Variants in GALNTL6 observed in about 807,000 individuals in gnomAD.
GALNTL6 encodes the protein polypeptide N-acetylgalactosaminyltransferase-like 6.
Under a neutral mutation model 73.7 loss-of-function variants are expected in GALNTL6, and 46 were observed. The observed-to-expected ratio is 0.62, with a 90% CI of 0.49 to 0.80. The LOEUF is 0.80. Among genes scored for constraint, GALNTL6 ranks in the 30% least tolerant of loss-of-function variants. GALNTL6 has a pLI of 0.00. For missense variants in GALNTL6, 604 were observed against 755.0 expected, an observed-to-expected ratio of 0.80 and a Z score of 2.34; for synonymous variants, 259 against 263.7, an observed-to-expected ratio of 0.98 and a Z score of 0.17.
intron 5 of GALNTL6, among the ~76,000 whole-genome samples, chr4:172,575,448 A>G (rs1343027811): frequency 6.6e-6 from 1 of 152,186 alleles, no homozygotes; most frequent in African/African-American, 2.4e-5. Flanking sequence ...ATACAGCCCT[A>G]TTTATATAGA....
At position 172,389,812 on chromosome 4, in the gene GALNTL6, G is replaced by T. The variant is rs76147213; in HGVS notation, c.553+41123G>T. 3.1e-3 allele frequency among the ~76,000 whole-genome samples: 469 copies of T among 152,088 alleles called. 5 individuals are homozygous for T. Among genetic ancestry groups the T allele is most frequent in the African/African-American group, 0.01 (430 of 41,524 alleles). ...TAATATTTTCTTACTGTAATATATC[G>T]AATTAGTTGAGTAAAGGGCTGCTGG... On this transcript the variant is annotated intron_variant, in intron 5 of 12. Transcript: ENST00000506823.
intron 2 of GALNTL6, among the ~76,000 whole-genome samples, chr4:171,970,988 T>C (rs1579018611): frequency 6.6e-6 from 1 of 152,196 alleles, no homozygotes; most frequent in East Asian, 1.9e-4. Flanking sequence ...CACAATTATC[T>C]GAGAAATTAG....
chr4:172,597,579 T>G (rs772122071), intron 5 of GALNTL6, among the ~76,000 whole-genome samples: 3 of 152,138 alleles, frequency 2.0e-5, no homozygotes, highest in African/African-American at 4.8e-5. Context: ...GAGTTTGAGT[T>G]TTCTAAGAAG....
intron 5 of GALNTL6, among the ~76,000 whole-genome samples, chr4:172,540,566 G>A (rs970012334): frequency 6.6e-6 from 1 of 152,138 alleles, no homozygotes; most frequent in Non-Finnish European, 1.5e-5. Flanking sequence ...AAGTGGCCCC[G>A]AGGTGGTTGG....
intron 5 of GALNTL6, among the ~76,000 whole-genome samples, chr4:172,398,892 A>C (rs192196462): frequency 6.1e-4 from 93 of 152,190 alleles, no homozygotes; most frequent in African/African-American, 2.1e-3. Context: ...AGCCGACTGA[A>C]AACATAGACT....
intron 5 of GALNTL6, among the ~76,000 whole-genome samples, chr4:172,589,232 A>T (rs1294318521): frequency 6.6e-6 from 1 of 152,194 alleles, no homozygotes; most frequent in Non-Finnish European, 1.5e-5. Context: ...AATCATCAAG[A>T]CTAGACAAGC....
chr4:172,691,303 A>T (rs1733273242), intron 5 of GALNTL6, among the ~76,000 whole-genome samples: 1 of 152,204 alleles, frequency 6.6e-6, no homozygotes, highest in Admixed American at 6.5e-5. Flanking sequence ...AGATTGATAA[A>T]TAAGGTTGAG....
intron 5 of GALNTL6, among the ~76,000 whole-genome samples, chr4:172,659,782 T>G (rs754505473): frequency 4.6e-4 from 70 of 152,312 alleles, no homozygotes; most frequent in Non-Finnish European, 8.7e-4. Flanking sequence ...CTGCTTCAAC[T>G]AGTTGAAAGG....
At chr4:172,751,972 T>A (rs1401252513) in intron 5 of GALNTL6, among the ~76,000 whole-genome samples, 1 of 151,532 alleles carries the variant, frequency 6.6e-6, no homozygotes, top group Non-Finnish European at 1.5e-5. Context: ...ACCAGCATTA[T>A]TAGATTAATA....
chr4:172,557,158 A>C (rs1457001489), intron 5 of GALNTL6, among the ~76,000 whole-genome samples: 1 of 152,124 alleles, frequency 6.6e-6, no homozygotes, highest in East Asian at 1.9e-4. Context: ...TAGGAGTTGT[A>C]AGGAAAAATT....
intron 9 of GALNTL6, among the ~76,000 whole-genome samples, chr4:172,946,597 G>A (rs1579691490): frequency 6.6e-6 from 1 of 152,256 alleles, no homozygotes; most frequent in South Asian, 2.1e-4. Context: ...TAGAATTAAG[G>A]AAAGATTTAG....
At chr4:172,016,667 ATTAC>A (rs1177442629) in intron 2 of GALNTL6, among the ~76,000 whole-genome samples, 2 of 148,912 alleles carry the variant, frequency 1.3e-5, no homozygotes, top group Non-Finnish European at 2.9e-5. Context: ...TATTACCAGA[ATTAC>A]TTTTCTGGCT....
chr4:172,388,633 A>G (rs113970325), intron 5 of GALNTL6, among the ~76,000 whole-genome samples: 38 of 152,172 alleles, frequency 2.5e-4, no homozygotes, highest in African/African-American at 4.8e-4. Context: ...CTAAATTGTA[A>G]TTTGCTATAT....
chr4:172,153,869 G>A (rs907916483), intron 2 of GALNTL6, among the ~76,000 whole-genome samples: 2 of 152,182 alleles, frequency 1.3e-5, no homozygotes, highest in Non-Finnish European at 2.9e-5. Context: ...ACTCATCAAA[G>A]TACAATACTC....
At chr4:172,831,890 G>A (rs915612744) in intron 7 of GALNTL6, among the ~76,000 whole-genome samples, 1 of 152,142 alleles carries the variant, frequency 6.6e-6, no homozygotes, top group African/African-American at 2.4e-5. Context: ...CCCCAAATGA[G>A]GGCTGTCCCC....
chr4:171,976,374 C>T (rs1739721612), intron 2 of GALNTL6, among the ~76,000 whole-genome samples: 1 of 152,152 alleles, frequency 6.6e-6, no homozygotes, highest in African/African-American at 2.4e-5. Context: ...TCAATGTTTT[C>T]CTAAATATAC....
At chr4:172,593,295 C>T (rs554788400) in intron 5 of GALNTL6, among the ~76,000 whole-genome samples, 2 of 152,336 alleles carry the variant, frequency 1.3e-5, no homozygotes, top group South Asian at 4.1e-4. Flanking sequence ...TCAGCTCCAT[C>T]ATGAACACAG....
intron 5 of GALNTL6, among the ~76,000 whole-genome samples, chr4:172,458,332 A>G (rs1732479463): frequency 6.6e-6 from 1 of 151,310 alleles, no homozygotes; most frequent in African/African-American, 2.4e-5. Flanking sequence ...AGAGCAAACA[A>G]ATTCAAAACC....
intron 5 of GALNTL6, among the ~76,000 whole-genome samples, chr4:172,602,400 T>C (rs1199435877): frequency 6.6e-6 from 1 of 152,116 alleles, no homozygotes. Context: ...GCATAATATG[T>C]ATAACAGTAC....
Sources: allele counts gnomAD v4.1 joint callset (sites outside exome capture counted in the v4.1 genomes callset), GRCh38; gene constraint gnomAD v4.1.1; transcripts MANE v1.5; gene names NCBI Gene and HGNC (gene_info 2026-07-23, HGNC 2026-07-21).